Variants in KCNQ3 observed in about 807,000 individuals in gnomAD.
The protein encoded by KCNQ3 is potassium voltage-gated channel subfamily Q member 3.
KCNQ3 carries 30 observed loss-of-function variants against 92.5 expected under a neutral mutation model. That is an observed-to-expected ratio of 0.32 (90% CI 0.24 to 0.44). The LOEUF (loss-of-function observed/expected upper bound fraction) is 0.44. Among genes scored for constraint, KCNQ3 ranks in the 20% least tolerant of loss-of-function variants. The pLI is 1.00. For missense variants in KCNQ3, 913 were observed against 1,140.3 expected (o/e 0.80, Z 2.87); for synonymous variants, 450 against 468.8 (o/e 0.96, Z 0.52).
intron 1 of KCNQ3, among the ~76,000 whole-genome samples, chr8:132,447,704 G>C (rs1821720537): frequency 6.6e-6 from 1 of 152,236 alleles, no homozygotes; most frequent in Non-Finnish European, 1.5e-5. Flanking sequence ...AGAACCACCA[G>C]GAGTTCTAAG....
Position 132,129,207 on chromosome 8 carries a change from G to C in KCNQ3, c.*55C>G, listed in dbSNP as rs1178243182. On this transcript the variant is annotated 3_prime_UTR_variant, in exon 15 of 15. Coordinates refer to ENST00000388996, the MANE Select transcript of KCNQ3 (RefSeq NM_004519.4). This position sits in a 1 kb window ranked among gnomAD's most constrained non-coding sequence, Gnocchi z 5.9. ...TGGTAAGCGTCGGGTGTAAGAGTAA[G>C]TGAACTATACAAAGTCTGTCTACAT... 2.5e-6 allele frequency: 4 copies of C among 1,589,270 alleles called. No homozygotes were observed. Among genetic ancestry groups the C allele is most frequent in the Non-Finnish European group, 3.4e-6 (4 of 1,170,612 alleles).
chr8:132,348,449 G>A (rs1818761467), intron 1 of KCNQ3, among the ~76,000 whole-genome samples: 1 of 152,208 alleles, frequency 6.6e-6, no homozygotes, highest in Non-Finnish European at 1.5e-5. Context: ...GAAATCCAGT[G>A]GGGCACTGTC....
intron 1 of KCNQ3, among the ~76,000 whole-genome samples, chr8:132,306,307 T>C (rs1817420339): frequency 6.6e-6 from 1 of 152,220 alleles, no homozygotes; most frequent in South Asian, 2.1e-4. Flanking sequence ...TGACTTTGCA[T>C]TAAGCTTTTA....
chr8:132,426,168 G>A (rs1180942093), intron 1 of KCNQ3, among the ~76,000 whole-genome samples: 1 of 152,240 alleles, frequency 6.6e-6, no homozygotes, highest in African/African-American at 2.4e-5. Flanking sequence ...CAGTTGTGGT[G>A]TAAGGCCTAA....
chr8:132,211,628 T>C (rs529431025), intron 1 of KCNQ3, among the ~76,000 whole-genome samples: 23 of 152,308 alleles, frequency 1.5e-4, no homozygotes, highest in Admixed American at 6.5e-5. Flanking sequence ...TATATACATA[T>C]GAGAGTCATA....
At chr8:132,386,567 A>G (rs1358897971) in intron 1 of KCNQ3, among the ~76,000 whole-genome samples, 1 of 152,140 alleles carries the variant, frequency 6.6e-6, no homozygotes, top group Non-Finnish European at 1.5e-5. Context: ...ATACAAAATT[A>G]ATCATCCTTT....
intron 1 of KCNQ3, among the ~76,000 whole-genome samples, chr8:132,215,869 T>C (rs1814014184): frequency 6.6e-6 from 1 of 152,154 alleles, no homozygotes; most frequent in Admixed American, 6.5e-5. Flanking sequence ...GCTAAAGTTG[T>C]CCCTTAGACT....
At chr8:132,417,678 C>CCATTCATT (rs59884171) in intron 1 of KCNQ3, among the ~76,000 whole-genome samples, 47 of 151,866 alleles carry the variant, frequency 3.1e-4, no homozygotes, top group Non-Finnish European at 6.2e-4. Context: ...ATCCATCCAT[C>CCATTCATT]CATTCATTCA....
intron 10 of KCNQ3, 49 bp from the exon 11 acceptor site, chr8:132,140,227 G>C: frequency 7.1e-7 from 1 of 1,410,340 alleles, no homozygotes; most frequent in Non-Finnish European, 1.0e-6. Flanking sequence ...CCTGGAAAAG[G>C]CTTGGGGACC....
At chr8:132,397,775 C>G (rs184418241) in intron 1 of KCNQ3, among the ~76,000 whole-genome samples, 290 of 152,230 alleles carry the variant, frequency 1.9e-3, no homozygotes, top group African/African-American at 6.5e-3. Context: ...AGCTAAGGAA[C>G]TTGTTCAAGG....
chr8:132,362,563 T>C (rs1387814811), intron 1 of KCNQ3, among the ~76,000 whole-genome samples: 1 of 152,148 alleles, frequency 6.6e-6, no homozygotes, highest in Non-Finnish European at 1.5e-5. Flanking sequence ...CTGGGACAAA[T>C]GTTCTAGCAG....
chr8:132,480,670 A>ACT lies in KCNQ3; in HGVS notation c.-139_-138insAG. 1 of 723,904 alleles carries ACT rather than the reference A, an allele frequency of 1.4e-6. No individual in the cohort carries two copies. The highest frequency in any genetic ancestry group is 1.7e-6 in the Non-Finnish European group (1 of 599,900). 44.8% of individuals were successfully genotyped at this position (723,904 alleles called of 1,614,324 possible). On this transcript the variant is annotated 5_prime_UTR_variant, in exon 1 of 15. Transcript: ENST00000388996. ...TGCCATGATCCGCGCGCCCCTCCCCACCCCCCCCCAAAAGCAGGCAAAGGC... is the reference window on the plus strand; with the variant it reads ...TGCCATGATCCGCGCGCCCCTCCCCACTCCCCCCCCCAAAAGCAGGCAAAGGC...
chr8:132,202,429 T>A (rs1016423657), intron 1 of KCNQ3, among the ~76,000 whole-genome samples: 1 of 152,162 alleles, frequency 6.6e-6, no homozygotes, highest in Non-Finnish European at 1.5e-5. Flanking sequence ...GCTTCCTACA[T>A]CTTTCAATTC....
chr8:132,169,496 C>T (rs1225740475), intron 8 of KCNQ3, among the ~76,000 whole-genome samples: 3 of 152,214 alleles, frequency 2.0e-5, no homozygotes, highest in African/African-American at 2.4e-5. Context: ...TCTGAGAACA[C>T]GAAACAGCGT....
rs1826974363 is a variant in KCNQ3, at chr8:132,186,917, T to A, written c.387-736A>T. ...ATAAACTGTGAGGTGCGTGTGTGTGTGTGTGTGTGTGTGTGTGAGAGAGAG... is the reference window on the plus strand; with the variant it reads ...ATAAACTGTGAGGTGCGTGTGTGTGAGTGTGTGTGTGTGTGTGAGAGAGAG... On this transcript the variant is annotated intron_variant, in intron 1 of 14. Transcript: ENST00000388996. 2.7e-5 allele frequency among the ~76,000 whole-genome samples: 3 copies of A among 109,308 alleles called. 1 individual carries two copies. Among genetic ancestry groups the A allele is most frequent in the Non-Finnish European group, 1.9e-5 (1 of 53,580 alleles). The allele number at this position is 109,308 out of a possible 152,430, so 71.7% of individuals were successfully genotyped here. A position where few individuals can be genotyped will look rare whatever the true frequency, so the allele number is the denominator to read the frequency against.
chr8:132,164,221 C>T (rs1229956502), intron 8 of KCNQ3, among the ~76,000 whole-genome samples: 1 of 152,042 alleles, frequency 6.6e-6, no homozygotes, highest in Admixed American at 6.5e-5. Flanking sequence ...CCTGGAGGGG[C>T]CCTCCTAGGG....
intron 1 of KCNQ3, among the ~76,000 whole-genome samples, chr8:132,418,257 C>A (rs899834713): frequency 5.3e-5 from 8 of 152,096 alleles, no homozygotes; most frequent in African/African-American, 1.7e-4. Context: ...TGAAGAGGAG[C>A]GGCATTAACT....
chr8:132,466,846 AT>A (rs1330121885), intron 1 of KCNQ3, among the ~76,000 whole-genome samples: 2 of 152,150 alleles, frequency 1.3e-5, no homozygotes, highest in Admixed American at 6.5e-5. Context: ...TACTATTAAC[AT>A]TTCATGGGTG....
intron 1 of KCNQ3, among the ~76,000 whole-genome samples, chr8:132,314,298 TAA>T (rs1308382381): frequency 1.3e-5 from 2 of 152,088 alleles, no homozygotes; most frequent in African/African-American, 4.8e-5. Context: ...GATGAGGGAA[TAA>T]AAGTCCCGAC....
Sources: allele counts gnomAD v4.1 joint callset (sites outside exome capture counted in the v4.1 genomes callset), GRCh38; gene constraint gnomAD v4.1.1; non-coding constraint Gnocchi (gnomAD v3.1); transcripts MANE v1.5; gene names NCBI Gene and HGNC (gene_info 2026-07-23, HGNC 2026-07-21).